Variants in CATSPERB observed in about 807,000 individuals in gnomAD.
The protein encoded by CATSPERB is catsper channel auxiliary subunit beta.
CATSPERB carries 93 observed loss-of-function variants against 128.3 expected under a neutral mutation model. The ratio of observed to expected loss-of-function variants is 0.72; its 90% CI spans 0.61 to 0.86. CATSPERB has a LOEUF of 0.86. Ranked by LOEUF, CATSPERB falls within the 40% of genes least tolerant of loss-of-function variation. The probability of loss-of-function intolerance (pLI) is 0.00; values close to 1 mark genes in which losing one functional copy is unlikely to be tolerated. For missense variants in CATSPERB, 1,153 were observed against 1,329.5 expected, an observed-to-expected ratio of 0.87 and a Z score of 2.06; for synonymous variants, 381 against 448.8, an observed-to-expected ratio of 0.85 and a Z score of 1.91.
chr14:91,667,822 T>G (rs1895014109), intron 14 of CATSPERB, among the ~76,000 whole-genome samples: 1 of 152,212 alleles, frequency 6.6e-6, no homozygotes, highest in South Asian at 2.1e-4. Flanking sequence ...TATACCAACC[T>G]CTGGAGTTGG....
chr14:91,634,985 G>C (rs1345481519), intron 17 of CATSPERB, among the ~76,000 whole-genome samples: 1 of 151,956 alleles, frequency 6.6e-6, no homozygotes, highest in African/African-American at 2.4e-5. Flanking sequence ...AGATCAAGGT[G>C]CCAGCAGATT....
At chr14:91,591,090 C>T (rs1011319998) in intron 23 of CATSPERB, among the ~76,000 whole-genome samples, 1 of 151,972 alleles carries the variant, frequency 6.6e-6, no homozygotes, top group African/African-American at 2.4e-5. Flanking sequence ...TGGAATCTTG[C>T]TCTGTCATCC....
chr14:91,588,146 G>T, intron 24 of CATSPERB, 68 bp from the exon 25 acceptor site: 1 of 949,230 alleles, frequency 1.1e-6, no homozygotes, highest in Non-Finnish European at 1.6e-6. Context: ...TGGTGCAAAA[G>T]TAATTGCTGT....
chr14:91,676,265 T>G (rs1318986379), intron 11 of CATSPERB, among the ~76,000 whole-genome samples: 1 of 152,028 alleles, frequency 6.6e-6, no homozygotes, highest in Non-Finnish European at 1.5e-5. Flanking sequence ...ATAAGGAGGA[T>G]TCACCCAACT....
intron 7 of CATSPERB, among the ~76,000 whole-genome samples, chr14:91,700,578 G>A (rs868573982): frequency 2.6e-5 from 4 of 151,974 alleles, no homozygotes; most frequent in Admixed American, 1.3e-4. Context: ...ACATGGAATC[G>A]ACCTAAGTAC....
In CATSPERB at chr14:91,580,760, T is replaced by C; in HGVS notation, c.*129A>G. 1.5e-6 allele frequency: 1 copy of C among 689,654 alleles called. No homozygotes were observed. Among genetic ancestry groups the C allele is most frequent in the South Asian group, 1.9e-5 (1 of 51,536 alleles). The allele number at this position is 689,654 out of a possible 1,614,324, so 42.7% of individuals were successfully genotyped here. A position where few individuals can be genotyped will look rare whatever the true frequency, so the allele number is the denominator to read the frequency against. ...AGGAAATGGTGAATATATTGACAAG[T>C]AGCAATTTGAATTATAATGACAATT... On this transcript the variant is annotated 3_prime_UTR_variant, in exon 27 of 27. Coordinates refer to ENST00000256343, the MANE Select transcript of CATSPERB (RefSeq NM_024764.4).
chr14:91,633,395 C>T (rs138123328), intron 17 of CATSPERB, among the ~76,000 whole-genome samples: 133 of 151,858 alleles, frequency 8.8e-4, no homozygotes, highest in Middle Eastern at 3.4e-3. Context: ...ACAAAATATT[C>T]CAGTCTTAAA....
At chr14:91,673,845 T>C (rs1986329) in intron 12 of CATSPERB, among the ~76,000 whole-genome samples, 42,331 of 150,942 alleles carry the variant, frequency 0.28, 6,089 homozygotes, top group Middle Eastern at 0.34. Flanking sequence ...ATCATGCCAC[T>C]GCGCTCCAGC....
chr14:91,649,503 T>A (rs7142109), intron 15 of CATSPERB, among the ~76,000 whole-genome samples: 29 of 74,666 alleles, frequency 3.9e-4, no homozygotes, highest in East Asian at 4.5e-4. Flanking sequence ...TGTACACACT[T>A]TTTTTTTTTT....
intron 9 of CATSPERB, among the ~76,000 whole-genome samples, chr14:91,692,222 T>A (rs1895485259): frequency 6.7e-6 from 1 of 150,084 alleles, no homozygotes; most frequent in African/African-American, 2.5e-5. Flanking sequence ...CATATGCAAG[T>A]CTGCCGCCCA....
chr14:91,633,375 T>A (rs1285608), intron 17 of CATSPERB, among the ~76,000 whole-genome samples: 13 of 151,792 alleles, frequency 8.6e-5, no homozygotes, highest in Non-Finnish European at 4.4e-5. Flanking sequence ...AAAAAACAAA[T>A]TTTCAAGGAA....
intron 22 of CATSPERB, among the ~76,000 whole-genome samples, chr14:91,598,364 G>T (rs1893546279): frequency 6.6e-6 from 1 of 151,180 alleles, no homozygotes; most frequent in East Asian, 1.9e-4. Context: ...ATATTTATTG[G>T]AAAATACTCA....
chr14:91,687,950 CAAAAA>C (rs11404420), intron 10 of CATSPERB, among the ~76,000 whole-genome samples: 1,304 of 117,120 alleles, frequency 0.011, 17 homozygotes, highest in African/African-American at 0.039. Context: ...GAGAGTGTCT[CAAAAA>C]AAAAAAAAAA....
In CATSPERB at chr14:91,604,864, C is replaced by T. The variant is rs1048812681; in HGVS notation, c.2709+3430G>A. On this transcript the variant is annotated intron_variant, in intron 22 of 26. Transcript: ENST00000256343. ...TCTTTGGCCAGTTGTTTTCCTGCCA[C>T]CTCTTAGATTTCATTCTCTGGTTCT... 5.7e-6 allele frequency: 8 copies of T among 1,406,012 alleles called. No individual in the cohort carries two copies. The African/African-American group carries it at 1.1e-4, about 20-fold the overall frequency. 87.1% of individuals were successfully genotyped at this position (1,406,012 alleles called of 1,614,324 possible). A position where few individuals can be genotyped will look rare whatever the true frequency, so the allele number is the denominator to read the frequency against.
At position 91,587,271 on chromosome 14, in the gene CATSPERB, A is replaced by G. The variant is rs368488107; in HGVS notation, c.3063T>C (p.Ser1021=). The change falls in exon 26 of 27, where the codon TCT becomes TCC. Residue 1021 remains serine (S), a synonymous_variant. Transcript: ENST00000256343. ...CGGTCACTCTAAAGTGGAAAAGTTC[A>G]GAGCCCTGTGGAAAAAAGCACACCC... ...PSGLNLSIKG[S]ELFHFRVTVI... 6.2e-7 allele frequency: 1 copy of G among 1,604,786 alleles called. No individual in the cohort carries two copies. Among genetic ancestry groups the G allele is most frequent in the Non-Finnish European group, 8.5e-7 (1 of 1,176,642 alleles).
chr14:91,604,535 T>A, intron 22 of CATSPERB: 1 of 1,606,834 alleles, frequency 6.2e-7, no homozygotes, highest in Non-Finnish European at 8.5e-7. Context: ...AGCCTCCAAG[T>A]CACTGGCAGG....
chr14:91,586,248 C>T (rs1044785363), intron 26 of CATSPERB, among the ~76,000 whole-genome samples: 3 of 152,114 alleles, frequency 2.0e-5, no homozygotes, highest in Non-Finnish European at 4.4e-5. Context: ...AGGTCCTTTC[C>T]CTTGTTCTCT....
chr14:91,646,611 C>T (rs1247905618), intron 15 of CATSPERB, among the ~76,000 whole-genome samples: 1 of 152,190 alleles, frequency 6.6e-6, no homozygotes, highest in African/African-American at 2.4e-5. Context: ...TCTCCTATGA[C>T]TTTCTGCAAT....
Position 91,620,098 on chromosome 14 carries a change from TCTG to T in CATSPERB, c.2260+1507_2260+1509del, listed in dbSNP as rs541326668. 6.1e-4 allele frequency among the ~76,000 whole-genome samples: 93 copies of T among 152,230 alleles called. 1 individual carries two copies. The highest frequency in any genetic ancestry group is 2.2e-3 in the African/African-American group (90 of 41,546). On this transcript the variant is annotated intron_variant, in intron 19 of 26. Coordinates refer to ENST00000256343, the MANE Select transcript of CATSPERB (RefSeq NM_024764.4). ...GTGTTATTATTTCTCAGCGTGGAATTCTGCATGTGAATGCAGAATTCAGTCTCT... is the reference window on the plus strand; with the variant it reads ...GTGTTATTATTTCTCAGCGTGGAATTCATGTGAATGCAGAATTCAGTCTCT...
Sources: allele counts gnomAD v4.1 joint callset (sites outside exome capture counted in the v4.1 genomes callset), GRCh38; gene constraint gnomAD v4.1.1; transcripts MANE v1.5; gene names NCBI Gene and HGNC (gene_info 2026-07-23, HGNC 2026-07-21).